KCNQ1OT1: variants seen among roughly 807,000 people sequenced by gnomAD.
KCNQ1OT1 encodes the protein KCNQ1 opposite strand/antisense transcript 1, also known as KCNQ1 antisense RNA 2 (non-protein coding).
rs528787638 is a variant in KCNQ1OT1 at position 2,650,855 on chromosome 11, G to A, written n.49140C>T. ...ATTTTATGCTTTTAGGGGAGGATGA[G>A]TGAGATGATTTATAGTCAGAGGGGA... On this transcript the variant is annotated non_coding_transcript_exon_variant, in exon 1 of 1. Coordinates refer to ENST00000597346, the Ensembl canonical transcript of KCNQ1OT1. 3 of 398,664 alleles carry A rather than the reference G, an allele frequency of 7.5e-6. No homozygotes were observed. In the East Asian group the frequency reaches 1.1e-4, roughly 14 times the overall value. The allele number at this position is 398,664 out of a possible 1,614,324, so 24.7% of individuals were successfully genotyped here.
chr11:2,615,496 T>A (rs1849046018), exon 1 of KCNQ1OT1: 1 of 397,948 alleles, frequency 2.5e-6, no homozygotes, highest in Non-Finnish European at 4.4e-6. Flanking sequence ...ATGGGAGAAA[T>A]TTTTCAGTTT....
At position 2,676,332 on chromosome 11, in the gene KCNQ1OT1, G is replaced by C. The variant is rs1246570659; in HGVS notation, n.23663C>G. 5.0e-6 allele frequency: 2 copies of C among 398,530 alleles called. No homozygotes were observed. The highest frequency in any genetic ancestry group is 4.1e-5 in the African/African-American group (2 of 48,642). 24.7% of individuals were successfully genotyped at this position (398,530 alleles called of 1,614,324 possible). On this transcript the variant is annotated non_coding_transcript_exon_variant, in exon 1 of 1. Transcript: ENST00000597346. This position sits in a 1 kb window ranked among gnomAD's most constrained non-coding sequence, Gnocchi z 4.2. ...GGTGATGGCTCTGAACAGTGTAGTT[G>C]AAGTGCTGTTTTCTCATGGTTGGGC...
At chr11:2,646,744 G>T in exon 1 of KCNQ1OT1, 1 of 398,512 alleles carries the variant, frequency 2.5e-6, no homozygotes, top group South Asian at 1.3e-4. Context: ...TCAAACTCCT[G>T]GGCTCAAGCA....
chr11:2,646,774 T>C, exon 1 of KCNQ1OT1: 1 of 398,644 alleles, frequency 2.5e-6, no homozygotes, highest in East Asian at 3.6e-5. Context: ...CCTCATCCTT[T>C]CAAAGTGCTG....
In KCNQ1OT1 at chr11:2,657,958, G is replaced by A. The variant is rs933070659; in HGVS notation, n.42037C>T. On this transcript the variant is annotated non_coding_transcript_exon_variant, in exon 1 of 1. Coordinates refer to ENST00000597346, the Ensembl canonical transcript of KCNQ1OT1. This position sits in a 1 kb window ranked among gnomAD's most constrained non-coding sequence, Gnocchi z 4.8. Reference sequence around the variant, plus strand: ...TGGTAATATTAACCTTGAGCCACTCGTTTAAAGTGGTGTCGGCCAGGCTCC... The same window carrying A: ...TGGTAATATTAACCTTGAGCCACTCATTTAAAGTGGTGTCGGCCAGGCTCC... The A allele has an allele frequency of 1.8e-5, 7 of 398,534 alleles. No individual in the cohort carries two copies. The highest frequency in any genetic ancestry group is 2.5e-4 in the South Asian group (2 of 7,848). 24.7% of individuals were successfully genotyped at this position (398,534 alleles called of 1,614,324 possible).
chr11:2,666,034 C>T, exon 1 of KCNQ1OT1: 1 of 398,682 alleles, frequency 2.5e-6, no homozygotes, highest in Non-Finnish European at 4.4e-6. Flanking sequence ...CACATGGATA[C>T]CTGAGATAGA....
rs1180808080 is a variant in KCNQ1OT1 at position 2,651,505 on chromosome 11, A to T, written n.48490T>A. 1.5e-5 allele frequency: 6 copies of T among 398,548 alleles called. No individual in the cohort carries two copies. Among genetic ancestry groups the T allele is most frequent in the Non-Finnish European group, 2.7e-5 (6 of 226,126 alleles). 24.7% of individuals were successfully genotyped at this position (398,548 alleles called of 1,614,324 possible). ...CTTGCATTAAGAAGCTGTCAGTGTG[A>T]AGAACGTGAATGCTAAGGGCATATG... On this transcript the variant is annotated non_coding_transcript_exon_variant, in exon 1 of 1. Transcript: ENST00000597346. The surrounding 1 kb of genome is among the most constrained non-coding windows in gnomAD (Gnocchi z 6.1).
exon 1 of KCNQ1OT1, chr11:2,634,286 C>T (rs1849414970): frequency 5.4e-6 from 2 of 367,316 alleles, no homozygotes; most frequent in South Asian, 3.0e-4. Flanking sequence ...TGTCATTTAC[C>T]TTAGGTATAT....
rs978491754 is a variant in KCNQ1OT1 at position 2,698,999 on chromosome 11, C to T, written n.996G>A. 8 of 398,508 alleles carry T rather than the reference C, an allele frequency of 2.0e-5. 1 individual carries two copies. The Admixed American group carries it at 2.6e-4, about 13-fold the overall frequency. The allele number at this position is 398,508 out of a possible 1,614,324, so 24.7% of individuals were successfully genotyped here. On this transcript the variant is annotated non_coding_transcript_exon_variant, in exon 1 of 1. Transcript: ENST00000597346. The surrounding 1 kb of genome is among the most constrained non-coding windows in gnomAD (Gnocchi z 5.1). The stretch of plus-strand genomic sequence containing the variant: ...GGGATTCCCACCTCCGATCCTAATT[C>T]GGGCCCTGACTCAGAACCACTAAGT...
chr11:2,639,439 C>T (rs557094896), exon 1 of KCNQ1OT1: 1 of 152,332 alleles, frequency 6.6e-6, no homozygotes, highest in South Asian at 2.1e-4. Flanking sequence ...CAGTCAGGAC[C>T]CTCAGCTGCA....
rs906975397 is a variant in KCNQ1OT1, at chr11:2,620,229, T to A, written n.79766A>T. 20 of 262,996 alleles carry A rather than the reference T, an allele frequency of 7.6e-5. No homozygotes were observed. The highest frequency in any genetic ancestry group is 4.5e-5 in the African/African-American group (2 of 44,102). The allele number at this position is 262,996 out of a possible 1,614,324, so 16.3% of individuals were successfully genotyped here. On this transcript the variant is annotated non_coding_transcript_exon_variant, in exon 1 of 1. Coordinates refer to ENST00000597346, the Ensembl canonical transcript of KCNQ1OT1. This position sits in a 1 kb window ranked among gnomAD's most constrained non-coding sequence, Gnocchi z 4.5. ...TATATATATTTTTTTTTTTTATTTT[T>A]TTTTTAGACGGAGTTTCGCTCTTGT...
chr11:2,611,641 G>A lies in KCNQ1OT1; in HGVS notation n.88354C>T, dbSNP rs1848981178. Reference sequence around the variant, plus strand: ...TGACTCTTATAGACCATATATATTTGGATCCTGCTTTTAAGGCAGTCTGGC... The same window carrying A: ...TGACTCTTATAGACCATATATATTTAGATCCTGCTTTTAAGGCAGTCTGGC... On this transcript the variant is annotated non_coding_transcript_exon_variant, in exon 1 of 1. Transcript: ENST00000597346. The surrounding 1 kb of genome is among the most constrained non-coding windows in gnomAD (Gnocchi z 5.3). 1 of 398,356 alleles carries A rather than the reference G, an allele frequency of 2.5e-6. No homozygotes were observed. The highest frequency in any genetic ancestry group is 4.4e-6 in the Non-Finnish European group (1 of 226,016). 24.7% of individuals were successfully genotyped at this position (398,356 alleles called of 1,614,324 possible).
exon 1 of KCNQ1OT1, chr11:2,681,981 T>A: frequency 2.5e-6 from 1 of 398,628 alleles, no homozygotes; most frequent in Non-Finnish European, 4.4e-6. Flanking sequence ...CAGGCAAATA[T>A]AGACATCATT....
At chr11:2,694,546 A>C (rs1850642290) in exon 1 of KCNQ1OT1, 1 of 398,378 alleles carries the variant, frequency 2.5e-6, no homozygotes, top group Non-Finnish European at 4.4e-6. Context: ...TTGACATGCT[A>C]TTTGCTTTCT....
rs567871123 is a variant in KCNQ1OT1, at chr11:2,659,781, T to G, written n.40214A>C. 32 of 398,402 alleles carry G rather than the reference T, an allele frequency of 8.0e-5. No homozygotes were observed. Among genetic ancestry groups the G allele is most frequent in the Non-Finnish European group, 1.3e-4 (30 of 226,020 alleles). 24.7% of individuals were successfully genotyped at this position (398,402 alleles called of 1,614,324 possible). ...GTTGGTATTGTCAGGTTTTGAATTTTTTTTTTAATTTATGGAATTTCATTG... is the reference window on the plus strand; with the variant it reads ...GTTGGTATTGTCAGGTTTTGAATTTGTTTTTTAATTTATGGAATTTCATTG... On this transcript the variant is annotated non_coding_transcript_exon_variant, in exon 1 of 1. Transcript: ENST00000597346. The surrounding 1 kb of genome is among the most constrained non-coding windows in gnomAD (Gnocchi z 4.3).
At position 2,619,331 on chromosome 11, in the gene KCNQ1OT1, T is replaced by G. The variant is rs993653429; in HGVS notation, n.80664A>C. 2.9e-4 allele frequency: 115 copies of G among 398,546 alleles called. 1 individual carries two copies. The highest frequency in any genetic ancestry group is 2.3e-3 in the African/African-American group (114 of 48,754). 24.7% of individuals were successfully genotyped at this position (398,546 alleles called of 1,614,324 possible). ...TGGGCTTTTCATAAATGGCATTCGT[T>G]ATATTGAGGAGTGTTCCTTCTATAC... On this transcript the variant is annotated non_coding_transcript_exon_variant, in exon 1 of 1. Coordinates refer to ENST00000597346, the Ensembl canonical transcript of KCNQ1OT1.
At chr11:2,622,692 CTGTA>C in exon 1 of KCNQ1OT1, 1 of 398,498 alleles carries the variant, frequency 2.5e-6, no homozygotes, top group Non-Finnish European at 4.4e-6. Flanking sequence ...ATTCGATTGT[CTGTA>C]TGTGTGTATG....
At position 2,659,959 on chromosome 11, in the gene KCNQ1OT1, A is replaced by G; in HGVS notation, n.40036T>C. The G allele has an allele frequency of 2.5e-6, 1 of 398,458 alleles. No homozygotes were observed. 24.7% of individuals were successfully genotyped at this position (398,458 alleles called of 1,614,324 possible). ...GTGCAAGTCCTTGACCTGATAGGTG[A>G]TATGCAAATATTCTTTCCAAGTCTG... On this transcript the variant is annotated non_coding_transcript_exon_variant, in exon 1 of 1. Transcript: ENST00000597346. This position sits in a 1 kb window ranked among gnomAD's most constrained non-coding sequence, Gnocchi z 4.3.
chr11:2,658,209 A>C lies in KCNQ1OT1; in HGVS notation n.41786T>G, dbSNP rs1849886084. On this transcript the variant is annotated non_coding_transcript_exon_variant, in exon 1 of 1. Coordinates refer to ENST00000597346, the Ensembl canonical transcript of KCNQ1OT1. The surrounding 1 kb of genome is among the most constrained non-coding windows in gnomAD (Gnocchi z 4.9). ...CTGAGTTTCACTAACTAATTTCAGC[A>C]TTCATTCATGGATCGTTTTCCTGCA... The C allele has an allele frequency of 2.5e-6, 1 of 398,472 alleles. No individual in the cohort carries two copies. Among genetic ancestry groups the C allele is most frequent in the African/African-American group, 2.1e-5 (1 of 48,626 alleles). The allele number at this position is 398,472 out of a possible 1,614,324, so 24.7% of individuals were successfully genotyped here. A position where few individuals can be genotyped will look rare whatever the true frequency, so the allele number is the denominator to read the frequency against.
Sources: gnomAD v4.1 joint callset for allele counts on GRCh38, gnomAD v4.1.1 for gene constraint, Gnocchi (gnomAD v3.1) non-coding constraint, MANE v1.5 for transcripts, NCBI Gene and HGNC (gene_info 2026-07-23, HGNC 2026-07-21) for gene names.